Variants in KCNQ5 observed in about 807,000 individuals in gnomAD.
KCNQ5 encodes potassium voltage-gated channel subfamily KQT member 5.
Under a neutral mutation model 98.2 loss-of-function variants are expected in KCNQ5, and 30 were observed. The ratio of observed to expected loss-of-function variants is 0.31; its 90% CI spans 0.23 to 0.41. The LOEUF (loss-of-function observed/expected upper bound fraction) is 0.41. KCNQ5 is among the 10% of genes least tolerant of loss of function. The pLI is 1.00. For synonymous variants in KCNQ5, 458 were observed against 449.4 expected, an observed-to-expected ratio of 1.02 and a Z score of -0.24; for missense variants, 835 against 1,182.5, an observed-to-expected ratio of 0.71 and a Z score of 4.31.
chr6:72,909,306 T>G (rs867885698), intron 1 of KCNQ5, among the ~76,000 whole-genome samples: 1 of 152,210 alleles, frequency 6.6e-6, no homozygotes, highest in South Asian at 2.1e-4. Context: ...CTGAGTGAAG[T>G]TTTAAAAATA....
At chr6:73,181,966 C>A (rs902641862) in intron 11 of KCNQ5, among the ~76,000 whole-genome samples, 2 of 152,134 alleles carry the variant, frequency 1.3e-5, no homozygotes, top group Non-Finnish European at 2.9e-5. Flanking sequence ...CCTAATTTAA[C>A]TCTAGAATGA....
chr6:72,644,737 T>A (rs1165067881), intron 1 of KCNQ5, among the ~76,000 whole-genome samples: 1 of 152,126 alleles, frequency 6.6e-6, no homozygotes, highest in Non-Finnish European at 1.5e-5. Flanking sequence ...CCTACATGAC[T>A]TTTTTACTGT....
chr6:73,004,075 C>A, intron 2 of KCNQ5, 77 bp downstream of exon 2: 5 of 765,210 alleles, frequency 6.5e-6, no homozygotes, highest in South Asian at 1.9e-5. Flanking sequence ...TGCATCTTAT[C>A]CTACAAAAAA....
At chr6:72,798,011 G>A (rs928562690) in intron 1 of KCNQ5, among the ~76,000 whole-genome samples, 22 of 152,052 alleles carry the variant, frequency 1.4e-4, no homozygotes, top group African/African-American at 5.3e-4. Context: ...GGAATTTATG[G>A]CCTAGAATGT....
rs140998627 is a variant in KCNQ5, at chr6:73,030,715, T to C, written c.490-11221T>C. Reference sequence around the variant, plus strand: ...CAAGGAGATTTCTCCCAGTGGCACATGGCAGTCCACAAGAAGACTAGGGGC... The same window carrying C: ...CAAGGAGATTTCTCCCAGTGGCACACGGCAGTCCACAAGAAGACTAGGGGC... On this transcript the variant is annotated intron_variant, in intron 2 of 13. Transcript: ENST00000370398. Among the ~76,000 whole-genome samples, 618 of 152,302 alleles carry C rather than the reference T, an allele frequency of 4.1e-3. 2 individuals are homozygous for C. Among genetic ancestry groups the C allele is most frequent in the African/African-American group, 0.014 (589 of 41,560 alleles).
intron 5 of KCNQ5, among the ~76,000 whole-genome samples, chr6:73,103,492 G>GTC (rs1562180505): frequency 4.6e-5 from 7 of 152,018 alleles, no homozygotes; most frequent in Non-Finnish European, 1.0e-4. Context: ...TCATGGGGGG[G>GTC]GGGGAGAGGG....
At chr6:72,718,165 C>A (rs1769746210) in intron 1 of KCNQ5, among the ~76,000 whole-genome samples, 1 of 152,184 alleles carries the variant, frequency 6.6e-6, no homozygotes, top group African/African-American at 2.4e-5. Flanking sequence ...AGTGACTTTC[C>A]TGAGAAACTG....
intron 9 of KCNQ5, among the ~76,000 whole-genome samples, chr6:73,130,578 A>G (rs1424536242): frequency 6.6e-6 from 1 of 152,188 alleles, no homozygotes; most frequent in Non-Finnish European, 1.5e-5. Context: ...TTCAAAAATC[A>G]TATTCGTAGA....
chr6:72,809,131 C>A (rs1222145043), intron 1 of KCNQ5, among the ~76,000 whole-genome samples: 1 of 150,456 alleles, frequency 6.6e-6, no homozygotes, highest in African/African-American at 2.5e-5. Context: ...TCTCAGTAAA[C>A]TATCGCAAGA....
chr6:72,917,453 AT>A (rs376418664), intron 1 of KCNQ5, among the ~76,000 whole-genome samples: 1 of 131,590 alleles, frequency 7.6e-6, no homozygotes, highest in Non-Finnish European at 1.6e-5. Context: ...TTTTATTTTT[AT>A]TTTTATTTTA....
rs541102201 is a variant in KCNQ5, at chr6:73,069,870, G to A, written c.617-7452G>A. On this transcript the variant is annotated intron_variant, in intron 3 of 13. Transcript: ENST00000370398. ...TATAATCATCTTAACATTTTCATGT[G>A]GTAGTAGAATACAAAGTGGTTTAGA... 2.0e-4 allele frequency among the ~76,000 whole-genome samples: 31 copies of A among 152,254 alleles called. 1 individual carries two copies. Among genetic ancestry groups the A allele is most frequent in the African/African-American group, 7.5e-4 (31 of 41,540 alleles).
chr6:72,955,513 A>C (rs1215963336), intron 1 of KCNQ5, among the ~76,000 whole-genome samples: 1 of 152,186 alleles, frequency 6.6e-6, no homozygotes. Context: ...ATCTATTATA[A>C]CTATAAGTAG....
At chr6:72,833,397 A>G (rs573046563) in intron 1 of KCNQ5, among the ~76,000 whole-genome samples, 1 of 152,306 alleles carries the variant, frequency 6.6e-6, no homozygotes, top group East Asian at 1.9e-4. Context: ...GCATTTCACC[A>G]AACCAAACTC....
chr6:72,781,177 A>G (rs1316034424), intron 1 of KCNQ5, among the ~76,000 whole-genome samples: 18 of 152,180 alleles, frequency 1.2e-4, no homozygotes, highest in Admixed American at 1.2e-3. Flanking sequence ...AAGAGGGGAC[A>G]CACAGAAAGG....
chr6:73,097,222 C>T (rs1461300616), intron 5 of KCNQ5, among the ~76,000 whole-genome samples: 1 of 148,012 alleles, frequency 6.8e-6, no homozygotes, highest in Non-Finnish European at 1.5e-5. Flanking sequence ...ACCATCATCT[C>T]CCCATTCCCC....
intron 1 of KCNQ5, among the ~76,000 whole-genome samples, chr6:72,634,331 T>A (rs2098922755): frequency 6.6e-6 from 1 of 152,228 alleles, no homozygotes; most frequent in African/African-American, 2.4e-5. Context: ...TTTAAATATT[T>A]TTCTGACGTG....
At chr6:73,125,565 T>C (rs1301723408) in intron 9 of KCNQ5, 2 of 477,848 alleles carry the variant, frequency 4.2e-6, no homozygotes, top group Non-Finnish European at 8.4e-6. Context: ...GGATTGTTCT[T>C]TTAGCTTAGT....
intron 5 of KCNQ5, among the ~76,000 whole-genome samples, chr6:73,102,067 A>G (rs1428430826): frequency 6.6e-6 from 1 of 152,206 alleles, no homozygotes; most frequent in East Asian, 1.9e-4. Flanking sequence ...CCAATGGGAC[A>G]GAAGAGAGAA....
At chr6:73,048,475 T>C (rs966850281) in intron 3 of KCNQ5, among the ~76,000 whole-genome samples, 3 of 152,158 alleles carry the variant, frequency 2.0e-5, no homozygotes, top group African/African-American at 7.2e-5. Flanking sequence ...TCTGCTACCC[T>C]GAATCAAGGT....
Sources: allele counts gnomAD v4.1 joint callset (sites outside exome capture counted in the v4.1 genomes callset), GRCh38; gene constraint gnomAD v4.1.1; transcripts MANE v1.5; gene names NCBI Gene and HGNC (gene_info 2026-07-23, HGNC 2026-07-21).